Variants in FBLN1 observed in about 807,000 individuals in gnomAD.
The protein encoded by FBLN1 is fibulin 1.
FBLN1 carries 34 observed loss-of-function variants against 89.7 expected under a neutral mutation model. That is an observed-to-expected ratio of 0.38 (90% CI 0.29 to 0.50). The LOEUF is 0.50. FBLN1 is among the 20% of genes least tolerant of loss of function. The pLI is 0.92. For synonymous variants in FBLN1, 393 were observed against 391.3 expected (o/e 1.00, Z -0.05); for missense variants, 777 against 988.1 (o/e 0.79, Z 2.86).
chr22:45,515,588 A>G (rs1408973232), intron 1 of FBLN1, among the ~76,000 whole-genome samples: 1 of 152,114 alleles, frequency 6.6e-6, no homozygotes, highest in African/African-American at 2.4e-5. Flanking sequence ...TCAGAGTCCG[A>G]AGGAGGCTCT....
In FBLN1 at chr22:45,532,097, G is replaced by C. The variant is rs998027532; in HGVS notation, c.544+773G>C. On this transcript the variant is annotated intron_variant, in intron 5 of 16. Coordinates refer to ENST00000327858, the MANE Select transcript of FBLN1 (RefSeq NM_006486.3). The surrounding 1 kb of genome is among the most constrained non-coding windows in gnomAD (Gnocchi z 4.2). ...ATCTGCCTCACAAGCTCTTTCAGTGGTTCCCCCTGTGGTTAGGGTGTTAAT... is the reference window on the plus strand; with the variant it reads ...ATCTGCCTCACAAGCTCTTTCAGTGCTTCCCCCTGTGGTTAGGGTGTTAAT... Among the ~76,000 whole-genome samples, 8 of 152,202 alleles carry C rather than the reference G, an allele frequency of 5.3e-5. No individual in the cohort carries two copies. The highest frequency in any genetic ancestry group is 1.9e-4 in the African/African-American group (8 of 41,448).
intron 16 of FBLN1, among the ~76,000 whole-genome samples, chr22:45,589,103 A>G (rs916174715): frequency 1.0e-4 from 15 of 147,788 alleles, no homozygotes; most frequent in African/African-American, 3.4e-4. Flanking sequence ...TATAAAAAAT[A>G]TATAAAAATA....
At chr22:45,553,103 T>A (rs1429465115) in intron 14 of FBLN1, among the ~76,000 whole-genome samples, 5 of 152,104 alleles carry the variant, frequency 3.3e-5, no homozygotes, top group African/African-American at 1.2e-4. Flanking sequence ...CTGGGGCTTG[T>A]CTCCCGGACG....
In FBLN1 at chr22:45,587,322, CCGGCCAGAGACACG is replaced by C. The variant is rs1487804578; in HGVS notation, c.1972+10215_1972+10228del. Among the ~76,000 whole-genome samples the C allele has an allele frequency of 4.3e-4, 41 of 94,560 alleles. 1 individual carries two copies. Among genetic ancestry groups the C allele is most frequent in the African/African-American group, 2.1e-3 (40 of 18,824 alleles). 62.0% of individuals were successfully genotyped at this position (94,560 alleles called of 152,430 possible). A position where few individuals can be genotyped will look rare whatever the true frequency, so the allele number is the denominator to read the frequency against. ...CACTTTTCACATCCATCCCCGCTGC[CCGGCCAGAGACACG>C]TCCTCAGCCCAGAGCCCCACTTTTC... On this transcript the variant is annotated intron_variant, in intron 16 of 16. Coordinates refer to ENST00000327858, the MANE Select transcript of FBLN1 (RefSeq NM_006486.3).
Position 45,518,691 on chromosome 22 carries a change from A to T in FBLN1, c.89A>T (p.Asp30Val), listed in dbSNP as rs754853610. 3 of 1,605,946 alleles carry T rather than the reference A, an allele frequency of 1.9e-6. No individual in the cohort carries two copies. Among genetic ancestry groups the T allele is most frequent in the Non-Finnish European group, 2.5e-6 (3 of 1,176,500 alleles). The change falls in exon 2 of 17, where the codon GAT becomes GTT. Residue 30 changes from aspartate (D) to valine (V), a missense_variant. Transcript: ENST00000327858. Reference protein sequence around the residue: ...LALLAAGVDADVLLEACCADG... With the variant: ...LALLAAGVDAVVLLEACCADG... ...TCTCTTCCCTGCACAGTGGACGCGGATGTCCTCCTGGAGGCCTGCTGTGCG... is the reference window on the plus strand; with the variant it reads ...TCTCTTCCCTGCACAGTGGACGCGGTTGTCCTCCTGGAGGCCTGCTGTGCG...
rs1168232317 is a variant in FBLN1 at position 45,557,109 on chromosome 22, C to T, written c.1697+6494C>T. ...CTATCCTATCAATCTACCTGCTTCA[C>T]GACGATGGGGAACATGGTAAAACCA... On this transcript the variant is annotated intron_variant, in intron 14 of 16. Coordinates refer to ENST00000327858, the MANE Select transcript of FBLN1 (RefSeq NM_006486.3). This position sits in a 1 kb window ranked among gnomAD's most constrained non-coding sequence, Gnocchi z 4.9. 1.3e-5 allele frequency among the ~76,000 whole-genome samples: 2 copies of T among 152,282 alleles called. No individual in the cohort carries two copies. The highest frequency in any genetic ancestry group is 2.1e-4 in the South Asian group (1 of 4,812).
chr22:45,540,600 TC>T (rs1244740729), intron 8 of FBLN1, among the ~76,000 whole-genome samples: 1 of 152,208 alleles, frequency 6.6e-6, no homozygotes, highest in Admixed American at 6.5e-5. Context: ...GGAAGTGCAA[TC>T]TGTGTATTCT....
intron 2 of FBLN1, chr22:45,523,007 G>A: frequency 1.7e-6 from 1 of 593,254 alleles, no homozygotes; most frequent in East Asian, 2.7e-5. Context: ...AAGTCCGTCT[G>A]ATGGTTTGTA....
At chr22:45,541,677 C>T (rs1397626262) in intron 9 of FBLN1, among the ~76,000 whole-genome samples, 1 of 152,210 alleles carries the variant, frequency 6.6e-6, no homozygotes, top group African/African-American at 2.4e-5. Context: ...CAGTCCAGTC[C>T]CCCAGAGCTG....
In FBLN1 at chr22:45,576,180, ATAAC is replaced by A. The variant is rs1335163464; in HGVS notation, c.1841-791_1841-788del. On this transcript the variant is annotated intron_variant, in intron 15 of 16. Coordinates refer to ENST00000327858, the MANE Select transcript of FBLN1 (RefSeq NM_006486.3). The surrounding 1 kb of genome is among the most constrained non-coding windows in gnomAD (Gnocchi z 5.2). ...GTGGCACAGACTTGGGTCAGAGAAA[ATAAC>A]TAACTGGTATTTGCCTTTTGCAAAA... Among the ~76,000 whole-genome samples the A allele has an allele frequency of 3.9e-5, 6 of 152,188 alleles. No homozygotes were observed. Among genetic ancestry groups the A allele is most frequent in the African/African-American group, 7.2e-5 (3 of 41,432 alleles).
At position 45,600,580 on chromosome 22, in the gene FBLN1, A is replaced by C; in HGVS notation, c.*134A>C. ...TTGTAGCATTAGGCCAACATGTATT[A>C]AGCTGAGCCAGATGAATAAGTCCAT... On this transcript the variant is annotated 3_prime_UTR_variant, in exon 17 of 17. Coordinates refer to ENST00000327858, the MANE Select transcript of FBLN1 (RefSeq NM_006486.3). 9.8e-7 allele frequency: 1 copy of C among 1,016,676 alleles called. No individual in the cohort carries two copies. The highest frequency in any genetic ancestry group is 1.6e-6 in the Non-Finnish European group (1 of 642,670). The allele number at this position is 1,016,676 out of a possible 1,614,324, so 63.0% of individuals were successfully genotyped here. A position where few individuals can be genotyped will look rare whatever the true frequency, so the allele number is the denominator to read the frequency against.
chr22:45,522,643 A>G (rs1379005469), intron 2 of FBLN1, among the ~76,000 whole-genome samples: 3 of 152,164 alleles, frequency 2.0e-5, no homozygotes, highest in African/African-American at 4.8e-5. Context: ...GGCAGCTTTG[A>G]TGTTTTCCCA....
At position 45,577,216 on chromosome 22, in the gene FBLN1, C is replaced by G. The variant is rs2089005337; in HGVS notation, c.1972+108C>G. ...TCTGAGTCCCCTCCCCAAATTCAAGCCCACCCAACCTTCAGGGCCCAGCGC... is the reference window on the plus strand; with the variant it reads ...TCTGAGTCCCCTCCCCAAATTCAAGGCCACCCAACCTTCAGGGCCCAGCGC... On this transcript the variant is annotated intron_variant, in intron 16 of 16. Transcript: ENST00000327858. This position sits in a 1 kb window ranked among gnomAD's most constrained non-coding sequence, Gnocchi z 6.6. 1 of 1,306,768 alleles carries G rather than the reference C, an allele frequency of 7.7e-7. No individual in the cohort carries two copies. The highest frequency in any genetic ancestry group is 1.4e-5 in the African/African-American group (1 of 69,022). 80.9% of individuals were successfully genotyped at this position (1,306,768 alleles called of 1,614,324 possible). A position where few individuals can be genotyped will look rare whatever the true frequency, so the allele number is the denominator to read the frequency against.
chr22:45,571,349 T>C (rs2088952168), intron 14 of FBLN1, among the ~76,000 whole-genome samples: 1 of 152,190 alleles, frequency 6.6e-6, no homozygotes, highest in Non-Finnish European at 1.5e-5. Flanking sequence ...AAGCATAAAC[T>C]ATTATGACCA....
Position 45,533,809 on chromosome 22 carries a change from C to T in FBLN1, c.695C>T (p.Ser232Phe). 6.2e-7 allele frequency: 1 copy of T among 1,613,858 alleles called. No individual in the cohort carries two copies. ...AGCCACAGCTGCCGGCTTGGAGAAT[C>T]CTGCATCAACACAGTGGGCTCTTTC... ...TGSHSCRLGE[S>F]CINTVGSFRC... The change falls in exon 7 of 17, where the codon TCC (serine) becomes TTC (phenylalanine). Residue 232 changes from serine (S) to phenylalanine (F), a missense_variant. By Grantham distance (155) the Ser-to-Phe change is radical. Transcript: ENST00000327858.
At chr22:45,584,724 G>A (rs985619649) in intron 16 of FBLN1, among the ~76,000 whole-genome samples, 13 of 152,172 alleles carry the variant, frequency 8.5e-5, no homozygotes, top group African/African-American at 2.9e-4. Flanking sequence ...GTGGGAGCCC[G>A]GAGCCTTCTT....
chr22:45,533,235 T>C, intron 6 of FBLN1, 71 bp downstream of exon 6: 1 of 1,386,444 alleles, frequency 7.2e-7, no homozygotes, highest in South Asian at 1.2e-5. Context: ...GCTGGAGGAC[T>C]GACCAGGGCC....
intron 16 of FBLN1, among the ~76,000 whole-genome samples, chr22:45,596,136 C>G (rs960994440): frequency 5.9e-5 from 9 of 152,134 alleles, no homozygotes; most frequent in African/African-American, 2.2e-4. Context: ...CCCAAAGTGC[C>G]GGGATCACAG....
At position 45,549,345 on chromosome 22, in the gene FBLN1, T is replaced by G. The variant is rs578212515; in HGVS notation, c.1573+601T>G. Among the ~76,000 whole-genome samples, 1 of 152,320 alleles carries G rather than the reference T, an allele frequency of 6.6e-6. No homozygotes were observed. The highest frequency in any genetic ancestry group is 2.1e-4 in the South Asian group (1 of 4,826). ...CAGTGTACACACTGCGCCCAGAAGC[T>G]GAGTCATGGAGGTGGGGCTGTCCAG... On this transcript the variant is annotated intron_variant, in intron 13 of 16. Coordinates refer to ENST00000327858, the MANE Select transcript of FBLN1 (RefSeq NM_006486.3). The surrounding 1 kb of genome is among the most constrained non-coding windows in gnomAD (Gnocchi z 5.7).
Sources: gnomAD v4.1 joint callset for allele counts (sites outside exome capture counted in the v4.1 genomes callset) on GRCh38, gnomAD v4.1.1 for gene constraint, Gnocchi (gnomAD v3.1) non-coding constraint, MANE v1.5 for transcripts, NCBI Gene and HGNC (gene_info 2026-07-23, HGNC 2026-07-21) for gene names.